PTK2B: variants seen among roughly 807,000 people sequenced by gnomAD.
PTK2B encodes protein tyrosine kinase 2 beta.
Under a neutral mutation model 142.9 loss-of-function variants are expected in PTK2B, and 71 were observed. That is an observed-to-expected ratio of 0.50 (90% CI 0.41 to 0.61). PTK2B has a LOEUF of 0.61. Among genes scored for constraint, PTK2B ranks in the 20% least tolerant of loss-of-function variants. The pLI is 0.00. For missense variants in PTK2B, 1,105 were observed against 1,320.4 expected, an observed-to-expected ratio of 0.84 and a Z score of 2.53; for synonymous variants, 519 against 503.4, an observed-to-expected ratio of 1.03 and a Z score of -0.42.
chr8:27,447,966 A>G (rs1213164105), intron 24 of PTK2B, among the ~76,000 whole-genome samples: 1 of 152,268 alleles, frequency 6.6e-6, no homozygotes, highest in Non-Finnish European at 1.5e-5. Flanking sequence ...CGCTGCTTTC[A>G]AAGCGCTTAC....
intron 1 of PTK2B, among the ~76,000 whole-genome samples, chr8:27,377,171 C>T (rs77290921): frequency 0.022 from 3,422 of 152,224 alleles, 148 homozygotes; most frequent in African/African-American, 0.077. Flanking sequence ...GTACTGAAAA[C>T]CAACCAGAAA....
intron 24 of PTK2B, among the ~76,000 whole-genome samples, chr8:27,446,646 C>A (rs1358070494): frequency 6.6e-6 from 1 of 152,188 alleles, no homozygotes; most frequent in Non-Finnish European, 1.5e-5. Flanking sequence ...AACACTTGAT[C>A]TATTTTACTA....
At chr8:27,334,508 A>G (rs562603906) in intron 1 of PTK2B, among the ~76,000 whole-genome samples, 3 of 152,170 alleles carry the variant, frequency 2.0e-5, no homozygotes, top group Non-Finnish European at 4.4e-5. Flanking sequence ...TGAGCTCCCC[A>G]TGGCAGCTTC....
At chr8:27,318,719 C>T (rs959552375) in intron 3 of PTK2B, among the ~76,000 whole-genome samples, 1 of 152,110 alleles carries the variant, frequency 6.6e-6, no homozygotes, top group Admixed American at 6.5e-5. Context: ...GGCATGACCT[C>T]GGCTCACTGC....
At chr8:27,352,420 C>G (rs755386165) in intron 1 of PTK2B, among the ~76,000 whole-genome samples, 27 of 152,220 alleles carry the variant, frequency 1.8e-4, no homozygotes, top group Non-Finnish European at 3.4e-4. Flanking sequence ...CTCACCTCTT[C>G]TAAATGCTTG....
chr8:27,437,970 C>A, intron 18 of PTK2B, 90 bp downstream of exon 18: 1 of 1,147,838 alleles, frequency 8.7e-7, no homozygotes. Flanking sequence ...TTGTGGGTGA[C>A]ACAGAGCAGT....
chr8:27,425,493 C>G (rs1317345532), intron 5 of PTK2B, among the ~76,000 whole-genome samples: 2 of 152,086 alleles, frequency 1.3e-5, no homozygotes, highest in Non-Finnish European at 2.9e-5. Context: ...CAAAATTGAG[C>G]AGAAGGTACA....
intron 1 of PTK2B, among the ~76,000 whole-genome samples, chr8:27,365,793 G>A (rs1805986412): frequency 6.6e-6 from 1 of 152,198 alleles, no homozygotes; most frequent in Admixed American, 6.5e-5. Flanking sequence ...AAAGCTAGGA[G>A]GGCCTGAGAT....
At chr8:27,360,087 C>G (rs1209983842) in intron 1 of PTK2B, among the ~76,000 whole-genome samples, 1 of 152,214 alleles carries the variant, frequency 6.6e-6, no homozygotes, top group Non-Finnish European at 1.5e-5. Flanking sequence ...ATTCAGCATG[C>G]CATGCATATG....
rs777945568 is a variant in PTK2B at position 27,419,886 on chromosome 8, C to T, written c.205-9C>T. ...CCCCTGAGTCATGCCTCTCTCTTCTCCTCTGCAGGAGATCATCACCTCCAT... is the reference window on the plus strand; with the variant it reads ...CCCCTGAGTCATGCCTCTCTCTTCTTCTCTGCAGGAGATCATCACCTCCAT... On this transcript the variant is annotated splice_polypyrimidine_tract_variant and intron_variant, in intron 2 of 30. Coordinates refer to ENST00000346049, the MANE Select transcript of PTK2B (RefSeq NM_173176.3). The T allele has an allele frequency of 6.2e-7, 1 of 1,613,958 alleles. No individual in the cohort carries two copies. The highest frequency in any genetic ancestry group is 1.7e-5 in the Admixed American group (1 of 60,020).
At chr8:27,376,698 C>T (rs893055972) in intron 1 of PTK2B, among the ~76,000 whole-genome samples, 2 of 152,186 alleles carry the variant, frequency 1.3e-5, no homozygotes, top group Non-Finnish European at 2.9e-5. Context: ...CTGCTACACT[C>T]CCACCAGTGC....
At chr8:27,441,952 A>G (rs3736526) in intron 21 of PTK2B, among the ~76,000 whole-genome samples, 73,269 of 151,764 alleles carry the variant, frequency 0.48, 18,265 homozygotes, top group African/African-American at 0.6. Flanking sequence ...CTCTGCCACA[A>G]GTGGAGGTGG....
intron 1 of PTK2B, among the ~76,000 whole-genome samples, chr8:27,380,333 T>C (rs543669610): frequency 6.6e-6 from 1 of 152,258 alleles, no homozygotes; most frequent in Admixed American, 6.5e-5. Flanking sequence ...CCTTTGTATT[T>C]TATTTGATGT....
intron 9 of PTK2B, 72 bp from the exon 10 acceptor site, chr8:27,432,188 C>G: frequency 7.1e-7 from 1 of 1,408,038 alleles, no homozygotes; most frequent in African/African-American, 1.4e-5. Context: ...CCCGGCTCCC[C>G]CATACTGACC....
chr8:27,424,598 A>G (rs1809961972), intron 5 of PTK2B, among the ~76,000 whole-genome samples: 1 of 152,266 alleles, frequency 6.6e-6, no homozygotes, highest in African/African-American at 2.4e-5. Flanking sequence ...TTGTAAACCA[A>G]ATAGAAGATT....
intron 18 of PTK2B, among the ~76,000 whole-genome samples, chr8:27,438,418 G>A (rs1810930348): frequency 8.7e-5 from 1 of 11,522 alleles, no homozygotes; most frequent in South Asian, 2.3e-3. Flanking sequence ...GGAGTCAGTG[G>A]TTGGGCATTA....
chr8:27,440,086 A>G, intron 20 of PTK2B, 151 bp from the exon 21 acceptor site: 2 of 760,656 alleles, frequency 2.6e-6, no homozygotes, highest in Non-Finnish European at 4.3e-6. Context: ...CGGGCAGACC[A>G]CCATGGTAGG....
At chr8:27,450,989 G>T in intron 25 of PTK2B, 54 bp from the exon 26 acceptor site, 1 of 1,610,208 alleles carries the variant, frequency 6.2e-7, no homozygotes, top group Non-Finnish European at 8.5e-7. Flanking sequence ...CTGCATTCTT[G>T]GTGCTTTCAG....
chr8:27,416,101 C>T (rs1318386294), intron 2 of PTK2B, among the ~76,000 whole-genome samples: 1 of 152,146 alleles, frequency 6.6e-6, no homozygotes, highest in Non-Finnish European at 1.5e-5. Flanking sequence ...AAAAAAAATG[C>T]CAGTTCTCTC....
Sources: allele counts gnomAD v4.1 joint callset (sites outside exome capture counted in the v4.1 genomes callset), GRCh38; gene constraint gnomAD v4.1.1; transcripts MANE v1.5; gene names NCBI Gene and HGNC (gene_info 2026-07-23, HGNC 2026-07-21).